The following NDRG4 variants were observed in gnomAD, a reference collection of about 807,000 sequenced individuals.
The protein encoded by NDRG4 is NDRG family member 4.
A neutral mutation model predicts 55.8 loss-of-function variants in NDRG4; 38 were observed. That is an observed-to-expected ratio of 0.68 (90% CI 0.53 to 0.89). NDRG4 has a LOEUF of 0.89. Among genes scored for constraint, NDRG4 ranks in the 40% least tolerant of loss-of-function variants. The probability of loss-of-function intolerance (pLI) is 0.00; values close to 1 mark genes in which losing one functional copy is unlikely to be tolerated. For missense variants in NDRG4, 455 were observed against 468.6 expected (o/e 0.97, Z 0.27); for synonymous variants, 190 against 182.7 (o/e 1.04, Z -0.32).
chr16:58,484,600 T>C lies in NDRG4; in HGVS notation c.-23-3156T>C, dbSNP rs1194951961. On this transcript the variant is annotated intron_variant, in intron 1 of 15. Coordinates refer to the NDRG4 transcript ENST00000258187. The stretch of plus-strand genomic sequence containing the variant: ...CCAGGCCCATTTGGTGTGTACAGCT[T>C]CTGTCTGCCCAGGCCCAGGTCCCTG... 4.6e-5 allele frequency among the ~76,000 whole-genome samples: 7 copies of C among 152,312 alleles called. No individual in the cohort carries two copies. In the East Asian group the frequency reaches 9.6e-4, roughly 21 times the overall value.
intron 2 of NDRG4, among the ~76,000 whole-genome samples, chr16:58,489,416 A>C (rs2035510281): frequency 1.3e-5 from 2 of 151,756 alleles, no homozygotes; most frequent in African/African-American, 2.4e-5. Context: ...GCCTCCTTGA[A>C]CATGCCCATC....
chr16:58,482,396 C>T (rs1441608649), intron 1 of NDRG4, among the ~76,000 whole-genome samples: 1 of 152,148 alleles, frequency 6.6e-6, no homozygotes, highest in Non-Finnish European at 1.5e-5. Flanking sequence ...TTCTCCTGAG[C>T]CCTCTAACTT....
chr16:58,507,938 G>C lies in NDRG4; in HGVS notation c.678-10G>C, dbSNP rs201328005. On this transcript the variant is annotated splice_polypyrimidine_tract_variant and intron_variant, in intron 9 of 14. Coordinates refer to ENST00000570248, the MANE Select transcript of NDRG4 (RefSeq NM_001242835.2). The stretch of plus-strand genomic sequence containing the variant: ...CCCAGCCAGACAGCCCTTTTCCTCT[G>C]TATCTGCAGCTGCCCCGTGATGCTG... The C allele has an allele frequency of 9.5e-5, 153 of 1,610,396 alleles. No individual in the cohort carries two copies. The highest frequency in any genetic ancestry group is 1.2e-4 in the Non-Finnish European group (142 of 1,177,206).
intron 10 of NDRG4, 50 bp downstream of exon 10, chr16:58,508,049 G>A (rs751386096): frequency 6.8e-7 from 1 of 1,478,182 alleles, no homozygotes; most frequent in Non-Finnish European, 9.1e-7. Context: ...GGGGTGAGGG[G>A]CTCACTGGCC....
Position 58,464,489 on chromosome 16 carries a change from G to A in NDRG4, c.-24+692G>A. 2 of 1,310,508 alleles carry A rather than the reference G, an allele frequency of 1.5e-6. No individual in the cohort carries two copies. Among genetic ancestry groups the A allele is most frequent in the Non-Finnish European group, 9.7e-7 (1 of 1,028,732 alleles). 81.2% of individuals were successfully genotyped at this position (1,310,508 alleles called of 1,614,324 possible). A position where few individuals can be genotyped will look rare whatever the true frequency, so the allele number is the denominator to read the frequency against. On this transcript the variant is annotated intron_variant, in intron 1 of 15. Coordinates refer to the NDRG4 transcript ENST00000258187. The surrounding 1 kb of genome is among the most constrained non-coding windows in gnomAD (Gnocchi z 4.8). ...ACAGGTACCGCCCGCCTGCCCCGCA[G>A]CCGGCCGCCACTTTCCGAGTTGGAG... is the stretch of plus-strand genomic sequence containing the variant.
intron 13 of NDRG4, among the ~76,000 whole-genome samples, chr16:58,509,860 C>T (rs1224613929): frequency 6.6e-6 from 1 of 152,138 alleles, no homozygotes; most frequent in Non-Finnish European, 1.5e-5. Context: ...GCCTGGCATT[C>T]AGAGAGCTGA....
intron 1 of NDRG4, among the ~76,000 whole-genome samples, chr16:58,474,079 C>G (rs2151587985): frequency 7.2e-6 from 1 of 139,438 alleles, no homozygotes; most frequent in Admixed American, 7.6e-5. Flanking sequence ...CTCTGTTACC[C>G]AGGCTGGAGT....
intron 2 of NDRG4, among the ~76,000 whole-genome samples, chr16:58,492,489 CGTGTGTGTGTGT>C (rs58901035): frequency 0.16 from 20,115 of 123,750 alleles, 1,919 homozygotes; most frequent in Middle Eastern, 0.26. Context: ...TCTGCTCCAC[CGTGTGTGTGTGT>C]GTGTGTGTGT....
At chr16:58,488,386 C>T (rs572875262) in intron 2 of NDRG4, among the ~76,000 whole-genome samples, 37 of 152,244 alleles carry the variant, frequency 2.4e-4, no homozygotes, top group Non-Finnish European at 4.0e-4. Flanking sequence ...GCATTAGAGG[C>T]CAGAGTGACT....
At chr16:58,466,230 G>C (rs1051743381) in intron 1 of NDRG4, among the ~76,000 whole-genome samples, 2 of 152,190 alleles carry the variant, frequency 1.3e-5, no homozygotes, top group Non-Finnish European at 2.9e-5. Context: ...TGGCCAGGCT[G>C]GTCTCGAACT....
At chr16:58,471,186 CTTTTTTTTTTTT>C (rs528375397) in intron 1 of NDRG4, among the ~76,000 whole-genome samples, 1 of 67,070 alleles carries the variant, frequency 1.5e-5, no homozygotes, top group Non-Finnish European at 3.0e-5. Flanking sequence ...ATGTGTGTTG[CTTTTTTTTTTTT>C]TTTTTTTTTT....
At chr16:58,492,043 A>G (rs949485503) in intron 2 of NDRG4, among the ~76,000 whole-genome samples, 6 of 152,166 alleles carry the variant, frequency 3.9e-5, no homozygotes, top group South Asian at 2.1e-4. Flanking sequence ...CAGCCTCCCA[A>G]GTAGCTGGGA....
Position 58,464,375 on chromosome 16 carries a change from G to A in NDRG4, c.-24+578G>A. 4.4e-6 allele frequency: 6 copies of A among 1,361,248 alleles called. No homozygotes were observed. The highest frequency in any genetic ancestry group is 5.7e-6 in the Non-Finnish European group (6 of 1,060,900). The allele number at this position is 1,361,248 out of a possible 1,614,324, so 84.3% of individuals were successfully genotyped here. On this transcript the variant is annotated intron_variant, in intron 1 of 15. Transcript: ENST00000258187. This position sits in a 1 kb window ranked among gnomAD's most constrained non-coding sequence, Gnocchi z 4.8. ...CTCCCGCGCTCCTCTCCCCGGCTCG[G>A]CCGAGCGCGCTGCCCCGACGCCGCC...
At chr16:58,506,525 G>C (rs777477546) in intron 6 of NDRG4, 33 bp from the exon 7 acceptor site, 2 of 1,600,162 alleles carry the variant, frequency 1.2e-6, no homozygotes, top group South Asian at 1.1e-5. Context: ...GGGGTGAGGG[G>C]CGGCACTCAC....
At chr16:58,507,697 G>A in intron 8 of NDRG4, 111 bp from the exon 9 acceptor site, 1 of 997,078 alleles carries the variant, frequency 1.0e-6, no homozygotes, top group South Asian at 1.5e-5. Flanking sequence ...CATTTATGCA[G>A]AGCAGGTCCA....
At chr16:58,485,093 A>G (rs1266748770) in intron 1 of NDRG4, among the ~76,000 whole-genome samples, 1 of 152,054 alleles carries the variant, frequency 6.6e-6, no homozygotes, top group Non-Finnish European at 1.5e-5. Flanking sequence ...CAGGTTAGCC[A>G]GACTGGTCTC....
At position 58,489,379 on chromosome 16, in the gene NDRG4, C is replaced by G. The variant is rs545848799; in HGVS notation, c.72+1529C>G. Reference sequence around the variant, plus strand: ...AGGATGCAATCTGCACCAGCTCCCCCGCCTGTTCCCAGCTTACTTCTCTCT... The same window carrying G: ...AGGATGCAATCTGCACCAGCTCCCCGGCCTGTTCCCAGCTTACTTCTCTCT... On this transcript the variant is annotated intron_variant, in intron 2 of 15. Coordinates refer to the NDRG4 transcript ENST00000258187. 3.8e-4 allele frequency among the ~76,000 whole-genome samples: 58 copies of G among 152,032 alleles called. 1 individual carries two copies. Among genetic ancestry groups the G allele is most frequent in the East Asian group, 5.8e-4 (3 of 5,160 alleles).
Position 58,464,204 on chromosome 16 carries a change from T to G in NDRG4, c.-24+407T>G. 48 of 364,806 alleles carry G rather than the reference T, an allele frequency of 1.3e-4. No individual in the cohort carries two copies. Among genetic ancestry groups the G allele is most frequent in the Non-Finnish European group, 1.5e-4 (30 of 206,262 alleles). 22.6% of individuals were successfully genotyped at this position (364,806 alleles called of 1,614,324 possible). A position where few individuals can be genotyped will look rare whatever the true frequency, so the allele number is the denominator to read the frequency against. On this transcript the variant is annotated intron_variant, in intron 1 of 15. Coordinates refer to the NDRG4 transcript ENST00000258187. The surrounding 1 kb of genome is among the most constrained non-coding windows in gnomAD (Gnocchi z 4.8). ...CGGGACCAGGTGGCGGCGGGTGCCT[T>G]TTTGGGGGTGCGCGGCCATGCAATT...
intron 2 of NDRG4, among the ~76,000 whole-genome samples, chr16:58,488,382 G>A (rs1050734275): frequency 9.2e-5 from 14 of 152,244 alleles, no homozygotes; most frequent in African/African-American, 3.4e-4. Flanking sequence ...CAAGGCATTA[G>A]AGGCCAGAGT....
Sources: gnomAD v4.1 joint callset for allele counts (sites outside exome capture counted in the v4.1 genomes callset) on GRCh38, gnomAD v4.1.1 for gene constraint, Gnocchi (gnomAD v3.1) non-coding constraint, MANE v1.5 for transcripts, NCBI Gene and HGNC (gene_info 2026-07-23, HGNC 2026-07-21) for gene names.